Variants in CACNA1I observed in about 807,000 individuals in gnomAD.
CACNA1I encodes voltage-dependent T-type calcium channel subunit alpha-1I.
A neutral mutation model predicts 201.6 loss-of-function variants in CACNA1I; 74 were observed. The ratio of observed to expected loss-of-function variants is 0.37; its 90% CI spans 0.30 to 0.45. The LOEUF is 0.45. CACNA1I is among the 20% of genes least tolerant of loss of function. CACNA1I has a pLI of 1.00. For missense variants in CACNA1I, 2,346 were observed against 3,138.1 expected (o/e 0.75, Z 6.03); for synonymous variants, 1,431 against 1,345.2 (o/e 1.06, Z -1.40).
chr22:39,671,602 G>T (rs531617056), intron 26 of CACNA1I, among the ~76,000 whole-genome samples: 2 of 152,290 alleles, frequency 1.3e-5, no homozygotes, highest in Admixed American at 6.5e-5. Flanking sequence ...TAAAAACCCT[G>T]ATGGAGTTGG....
At position 39,648,036 on chromosome 22, in the gene CACNA1I, C is replaced by A. The variant is rs1017039296; in HGVS notation, c.1567+110C>A. The A allele has an allele frequency of 3.2e-6, 3 of 924,088 alleles. No homozygotes were observed. The highest frequency in any genetic ancestry group is 3.3e-5 in the African/African-American group (2 of 60,850). The allele number at this position is 924,088 out of a possible 1,614,324, so 57.2% of individuals were successfully genotyped here. A position where few individuals can be genotyped will look rare whatever the true frequency, so the allele number is the denominator to read the frequency against. On this transcript the variant is annotated intron_variant, in intron 9 of 36. Transcript: ENST00000402142. This position sits in a 1 kb window ranked among gnomAD's most constrained non-coding sequence, Gnocchi z 5.4. ...CATGGGGACGGCGCTTGAGCAGCCG[C>A]GACCCTCTGCAGGCCTGTCTCCCTC... is the stretch of plus-strand genomic sequence containing the variant.
At chr22:39,633,085 A>G (rs1261248419) in intron 4 of CACNA1I, among the ~76,000 whole-genome samples, 1 of 152,162 alleles carries the variant, frequency 6.6e-6, no homozygotes, top group Middle Eastern at 3.4e-3. Context: ...CACCCCTAGC[A>G]TACACAACCA....
At chr22:39,614,877 T>C (rs1243902410) in intron 3 of CACNA1I, among the ~76,000 whole-genome samples, 2 of 152,222 alleles carry the variant, frequency 1.3e-5, no homozygotes, top group Non-Finnish European at 2.9e-5. Flanking sequence ...AGGATGGAAG[T>C]GCTCTCTTTA....
rs201710443 is a variant in CACNA1I at position 39,660,443 on chromosome 22, C to G, written c.2698+6C>G. On this transcript the variant is annotated splice_donor_region_variant and intron_variant, in intron 15 of 36. Coordinates refer to ENST00000402142, the MANE Select transcript of CACNA1I (RefSeq NM_021096.4). ...AGGCCTGGACAGCAGCGGAGGTAAA[C>G]AGGCCCTCGCTTGTCACCTAGAGAG... is the stretch of plus-strand genomic sequence containing the variant. The G allele has an allele frequency of 6.2e-7, 1 of 1,604,884 alleles. No homozygotes were observed. Among genetic ancestry groups the G allele is most frequent in the Non-Finnish European group, 8.5e-7 (1 of 1,174,452 alleles).
intron 1 of CACNA1I, chr22:39,587,777 A>G (rs753670489): frequency 3.4e-5 from 15 of 438,788 alleles, no homozygotes; most frequent in Non-Finnish European, 6.8e-5. Context: ...TTTGATTTAT[A>G]ATTATTATTA....
rs528887606 is a variant in CACNA1I at position 39,612,735 on chromosome 22, A to G, written c.483-6575A>G. Among the ~76,000 whole-genome samples the G allele has an allele frequency of 2.6e-5, 4 of 152,364 alleles. No individual in the cohort carries two copies. In the South Asian group the frequency reaches 6.2e-4, roughly 24 times the overall value. The stretch of plus-strand genomic sequence containing the variant: ...GAATTTTAAGTGGATATAAATATTC[A>G]GACCATAGCAATGGGTGAAATGACC... On this transcript the variant is annotated intron_variant, in intron 3 of 36. Coordinates refer to ENST00000402142, the MANE Select transcript of CACNA1I (RefSeq NM_021096.4).
chr22:39,630,830 G>A (rs1429063006), intron 4 of CACNA1I, among the ~76,000 whole-genome samples: 1 of 152,272 alleles, frequency 6.6e-6, no homozygotes, highest in African/African-American at 2.4e-5. Context: ...GGATCTTTCT[G>A]GCTGGGTGCA....
intron 17 of CACNA1I, 116 bp from the exon 18 acceptor site, chr22:39,662,660 G>T: frequency 1.3e-6 from 1 of 788,540 alleles, no homozygotes; most frequent in Non-Finnish European, 2.1e-6. Flanking sequence ...GCTGCCCCCG[G>T]GGGGCAGAGA....
Position 39,677,355 on chromosome 22 carries a change from C to T in CACNA1I, c.4869C>T (p.Gly1623=). The change falls in exon 30 of 37, where the codon GGC becomes GGT. Residue 1623 remains glycine (G), a synonymous_variant. Transcript: ENST00000402142. This position sits in a 1 kb window ranked among gnomAD's most constrained non-coding sequence, Gnocchi z 4.8. ...VQALPQVGNL[G]LLFMLLFFIY... is the part of the protein sequence containing the mutation. ...TCCTCCCGCAGGTGGGCAACCTGGG[C>T]CTCCTCTTCATGCTGCTCTTCTTCA... The T allele has an allele frequency of 6.3e-7, 1 of 1,597,974 alleles. No individual in the cohort carries two copies. The highest frequency in any genetic ancestry group is 8.5e-7 in the Non-Finnish European group (1 of 1,174,910).
intron 7 of CACNA1I, among the ~76,000 whole-genome samples, chr22:39,645,089 T>C (rs1272731048): frequency 6.7e-6 from 1 of 149,038 alleles, no homozygotes; most frequent in Admixed American, 6.7e-5. Context: ...CGGGTTCAAG[T>C]GATTCTCCTA....
intron 26 of CACNA1I, 91 bp downstream of exon 26, chr22:39,671,045 T>C: frequency 8.1e-7 from 1 of 1,238,416 alleles, no homozygotes; most frequent in South Asian, 1.4e-5. Context: ...GGGGAAGGGG[T>C]TAGCTGATAG....
rs1387001068 is a variant in CACNA1I, at chr22:39,659,359, A to G, written c.2331-74A>G. 3.7e-6 allele frequency: 4 copies of G among 1,093,552 alleles called. No homozygotes were observed. The highest frequency in any genetic ancestry group is 4.1e-6 in the Non-Finnish European group (3 of 732,638). 67.7% of individuals were successfully genotyped at this position (1,093,552 alleles called of 1,614,324 possible). On this transcript the variant is annotated intron_variant, in intron 12 of 36. Transcript: ENST00000402142. The surrounding 1 kb of genome is among the most constrained non-coding windows in gnomAD (Gnocchi z 4.3). ...CCCTGCCCTGCATTTTACTGAGTTG[A>G]CTGAGAATGAAACAAGGTGAGTAGG...
intron 1 of CACNA1I, among the ~76,000 whole-genome samples, chr22:39,585,263 A>G (rs1468412139): frequency 1.3e-5 from 2 of 151,406 alleles, no homozygotes; most frequent in Non-Finnish European, 2.9e-5. Flanking sequence ...GGGTTTCACC[A>G]TGTTGGTCAG....
chr22:39,609,733 G>T (rs1222699953), intron 3 of CACNA1I, among the ~76,000 whole-genome samples: 2 of 152,216 alleles, frequency 1.3e-5, no homozygotes, highest in Non-Finnish European at 2.9e-5. Flanking sequence ...AACAAGAGTT[G>T]TTCCTTGGGT....
Position 39,674,079 on chromosome 22 carries a change from C to T in CACNA1I, c.4854+46C>T, listed in dbSNP as rs1410102637. The stretch of plus-strand genomic sequence containing the variant: ...CAGCCCTCCTAGGGGTCATTGGTGT[C>T]AGGCTGGGCCCTGGGGCATGAAGGC... On this transcript the variant is annotated intron_variant, in intron 29 of 36. Transcript: ENST00000402142. 7 of 1,576,000 alleles carry T rather than the reference C, an allele frequency of 4.4e-6. No individual in the cohort carries two copies. The Admixed American group carries it at 8.4e-5, about 19-fold the overall frequency.
rs915554737 is a variant in CACNA1I at position 39,659,989 on chromosome 22, A to C, written c.2604+137A>C. 3 of 937,496 alleles carry C rather than the reference A, an allele frequency of 3.2e-6. No individual in the cohort carries two copies. The highest frequency in any genetic ancestry group is 4.4e-5 in the Admixed American group (2 of 45,818). The allele number at this position is 937,496 out of a possible 1,614,324, so 58.1% of individuals were successfully genotyped here. A position where few individuals can be genotyped will look rare whatever the true frequency, so the allele number is the denominator to read the frequency against. ...CTATCCCTAAAGGAGGGGGTTGCTG[A>C]TGAGGTGGTGAGCTCTTCATCATAG... On this transcript the variant is annotated intron_variant, in intron 14 of 36. Coordinates refer to ENST00000402142, the MANE Select transcript of CACNA1I (RefSeq NM_021096.4). This position sits in a 1 kb window ranked among gnomAD's most constrained non-coding sequence, Gnocchi z 4.3.
chr22:39,583,962 G>T (rs1755922350), intron 1 of CACNA1I, among the ~76,000 whole-genome samples: 1 of 152,258 alleles, frequency 6.6e-6, no homozygotes, highest in Non-Finnish European at 1.5e-5. Context: ...GGTAGAGGTT[G>T]TATGGCCTGA....
chr22:39,663,944 A>C, intron 19 of CACNA1I, 103 bp downstream of exon 19: 1 of 1,551,956 alleles, frequency 6.4e-7, no homozygotes, highest in South Asian at 1.1e-5. Context: ...GAGGCAGGAC[A>C]GGAAGTTTGC....
At chr22:39,617,673 C>T (rs1601464044) in intron 3 of CACNA1I, among the ~76,000 whole-genome samples, 2 of 152,240 alleles carry the variant, frequency 1.3e-5, no homozygotes, top group East Asian at 3.9e-4. Context: ...TTGGGCTCAC[C>T]CACGCGCAGA....
Sources: allele counts gnomAD v4.1 joint callset (sites outside exome capture counted in the v4.1 genomes callset), GRCh38; gene constraint gnomAD v4.1.1; non-coding constraint Gnocchi (gnomAD v3.1); transcripts MANE v1.5; gene names NCBI Gene and HGNC (gene_info 2026-07-23, HGNC 2026-07-21).